The following SETD5 variants were observed in gnomAD, a reference collection of about 807,000 sequenced individuals.
SETD5 encodes the protein histone-lysine N-methyltransferase SETD5.
Under a neutral mutation model 153.3 loss-of-function variants are expected in SETD5, and 44 were observed. The observed-to-expected ratio is 0.29, with a 90% CI of 0.23 to 0.37. The LOEUF (loss-of-function observed/expected upper bound fraction) is 0.37, where lower values mean the gene tolerates loss of function less well. Among genes scored for constraint, SETD5 ranks in the 10% least tolerant of loss-of-function variants. The pLI, the probability that SETD5 is intolerant of heterozygous loss-of-function variation, is 1.00. For missense variants in SETD5, 1,544 were observed against 1,768.0 expected (o/e 0.87, Z 2.27); for synonymous variants, 716 against 645.2 (o/e 1.11, Z -1.66).
At chr3:9,453,639 T>A in intron 16 of SETD5, 100 bp from the exon 17 acceptor site, 1 of 1,093,190 alleles carries the variant, frequency 9.1e-7, no homozygotes, top group African/African-American at 1.6e-5. Flanking sequence ...TGAATTAGTG[T>A]GTTGAATTGT....
At chr3:9,428,014 C>G (rs1241290928) in intron 2 of SETD5, among the ~76,000 whole-genome samples, 1 of 152,144 alleles carries the variant, frequency 6.6e-6, no homozygotes, top group Non-Finnish European at 1.5e-5. Flanking sequence ...TGAAACTGTA[C>G]TCTTCGTGAT....
At chr3:9,448,894 C>T (rs553959091) in intron 16 of SETD5, among the ~76,000 whole-genome samples, 1 of 152,186 alleles carries the variant, frequency 6.6e-6, no homozygotes, top group Admixed American at 6.5e-5. Flanking sequence ...CCTTGAGGTT[C>T]CTGAGTGAGA....
At chr3:9,441,563 G>A (rs928783653) in intron 8 of SETD5, 30 bp from the exon 9 acceptor site, 2 of 1,610,518 alleles carry the variant, frequency 1.2e-6, no homozygotes, top group African/African-American at 1.3e-5. Flanking sequence ...TCTTGCTGTT[G>A]TTTAATGTTA....
intron 17 of SETD5, among the ~76,000 whole-genome samples, chr3:9,457,969 G>T (rs2043465181): frequency 6.6e-6 from 1 of 151,918 alleles, no homozygotes; most frequent in African/African-American, 2.4e-5. Flanking sequence ...TTTCTCTTGA[G>T]GTGTAAGACG....
chr3:9,474,101 A>G (rs79534214), intron 20 of SETD5, among the ~76,000 whole-genome samples: 7 of 152,360 alleles, frequency 4.6e-5, no homozygotes, highest in South Asian at 4.1e-4. Context: ...TCCTGGCTCA[A>G]ATGTTTCATG....
intron 3 of SETD5, chr3:9,430,364 A>G: frequency 1.0e-6 from 1 of 981,790 alleles, no homozygotes; most frequent in Non-Finnish European, 1.2e-6. Flanking sequence ...TTCCCATATA[A>G]AAAGGAGAAA....
In SETD5 at chr3:9,442,251, A is replaced by C. The variant is rs1010650693; in HGVS notation, c.1077+6A>C. 6 of 1,591,266 alleles carry C rather than the reference A, an allele frequency of 3.8e-6. No individual in the cohort carries two copies. The highest frequency in any genetic ancestry group is 5.2e-6 in the Non-Finnish European group (6 of 1,161,770). Reference sequence around the variant, plus strand: ...CATGTACACCAAATGCAGAGGTAAGATATCTGTAGCAACTTCCCTTTGACT... The same window carrying C: ...CATGTACACCAAATGCAGAGGTAAGCTATCTGTAGCAACTTCCCTTTGACT... On this transcript the variant is annotated splice_donor_region_variant and intron_variant, in intron 10 of 22. Transcript: ENST00000402198.
At chr3:9,405,001 G>A (rs1046604164) in intron 1 of SETD5, among the ~76,000 whole-genome samples, 1 of 152,206 alleles carries the variant, frequency 6.6e-6, no homozygotes, top group Admixed American at 6.5e-5. Flanking sequence ...CTAGGACAAA[G>A]GGGGAAAATT....
At chr3:9,431,310 T>C (rs2039937286) in intron 3 of SETD5, 1 of 985,326 alleles carries the variant, frequency 1.0e-6, no homozygotes, top group Non-Finnish European at 1.2e-6. Flanking sequence ...TAGAACACTG[T>C]TGATGGAGTA....
intron 6 of SETD5, among the ~76,000 whole-genome samples, chr3:9,435,272 C>T (rs1019640984): frequency 6.6e-6 from 1 of 151,626 alleles, no homozygotes; most frequent in Non-Finnish European, 1.5e-5. Flanking sequence ...AAAAGAACCC[C>T]TCTTACAAGT....
At position 9,444,617 on chromosome 3, in the gene SETD5, G is replaced by A. The variant is rs114399786; in HGVS notation, c.1188-431G>A. ...GAATATTGAAAGTGTTACGTCAGGC[G>A]CGGTGACTGACGCCTGTAATCCCAG... On this transcript the variant is annotated intron_variant, in intron 11 of 22. Transcript: ENST00000402198. 5.5e-3 allele frequency among the ~76,000 whole-genome samples: 840 copies of A among 152,130 alleles called. 10 individuals carry two copies. The highest frequency in any genetic ancestry group is 0.019 in the African/African-American group (785 of 41,498).
At chr3:9,460,743 G>A (rs1055239054) in intron 17 of SETD5, among the ~76,000 whole-genome samples, 1 of 152,094 alleles carries the variant, frequency 6.6e-6, no homozygotes, top group African/African-American at 2.4e-5. Flanking sequence ...CTGGCTATTT[G>A]TTATGGGGAA....
Position 9,470,706 on chromosome 3 carries a change from A to G in SETD5, c.2972A>G (p.Asn991Ser), listed in dbSNP as rs757673746. ...TTGATGTATGCCTACTCCCCTTTGA[A>G]TGCTATGCCTCGAGCAGATGGACTG... ...FNLMYAYSPL[N>S]AMPRADGLYR... The change falls in exon 19 of 23, where the codon AAT (asparagine) becomes AGT (serine). Residue 991 changes from asparagine (N) to serine (S), a missense_variant. Around this residue, in one of 9 missense-constraint regions of SETD5, gnomAD observed 782 missense variants for 787.2 expected, o/e 0.99. Transcript: ENST00000402198. The G allele has an allele frequency of 1.2e-6, 2 of 1,614,028 alleles. No individual in the cohort carries two copies. The highest frequency in any genetic ancestry group is 1.1e-5 in the South Asian group (1 of 91,084).
intron 21 of SETD5, 126 bp downstream of exon 21, chr3:9,474,708 G>A: frequency 1.5e-6 from 2 of 1,319,386 alleles, no homozygotes; most frequent in East Asian, 4.7e-5. Flanking sequence ...CCGCATGCTA[G>A]GTTCCAGCCC....
At chr3:9,425,044 C>T (rs933366291) in intron 2 of SETD5, among the ~76,000 whole-genome samples, 3 of 138,258 alleles carry the variant, frequency 2.2e-5, no homozygotes, top group African/African-American at 8.8e-5. Context: ...TTATAGTTAC[C>T]GACAATGTTT....
chr3:9,429,191 A>C, intron 3 of SETD5, 182 bp downstream of exon 3: 2 of 388,912 alleles, frequency 5.1e-6, no homozygotes, highest in Non-Finnish European at 9.3e-6. Flanking sequence ...TAGAAGGGGA[A>C]GGAAGAGTTT....
rs111426557 is a variant in SETD5 at position 9,445,869 on chromosome 3, C to T, written c.1524+129C>T. The T allele has an allele frequency of 3.4e-5, 15 of 442,442 alleles. No individual in the cohort carries two copies. In the Middle Eastern group the frequency reaches 1.6e-3, roughly 47 times the overall value. The allele number at this position is 442,442 out of a possible 1,614,324, so 27.4% of individuals were successfully genotyped here. A position where few individuals can be genotyped will look rare whatever the true frequency, so the allele number is the denominator to read the frequency against. On this transcript the variant is annotated intron_variant, in intron 13 of 22. Coordinates refer to ENST00000402198, the MANE Select transcript of SETD5 (RefSeq NM_001080517.3). ...TGAAGGTTATAATTTGGGCTTTTTC[C>T]GTAATAAAGATTTTATTATAATTTT...
rs369253519 is a variant in SETD5 at position 9,471,193 on chromosome 3, T to C, written c.3195+264T>C. On this transcript the variant is annotated intron_variant, in intron 19 of 22. Coordinates refer to ENST00000402198, the MANE Select transcript of SETD5 (RefSeq NM_001080517.3). ...AGTGAAAAAGAAATTTTACCTATTA[T>C]TTAGTGTGTCCCAAGTTCGAGGCAC... Among the ~76,000 whole-genome samples the C allele has an allele frequency of 8.6e-4, 131 of 152,332 alleles. 1 individual carries two copies. The highest frequency in any genetic ancestry group is 2.8e-3 in the African/African-American group (115 of 41,572).
chr3:9,432,146 C>A, intron 3 of SETD5: 1 of 223,902 alleles, frequency 4.5e-6, no homozygotes, highest in Non-Finnish European at 7.5e-6. Context: ...CTCAAGAATA[C>A]TGACCTGCAT....
Sources: gnomAD v4.1 joint callset for allele counts (sites outside exome capture counted in the v4.1 genomes callset) on GRCh38, gnomAD v4.1.1 for gene constraint, gnomAD v4.1.1 regional missense constraint, MANE v1.5 for transcripts, NCBI Gene and HGNC (gene_info 2026-07-23, HGNC 2026-07-21) for gene names.